Variants in ARHGAP42 observed in about 807,000 individuals in gnomAD.
The protein encoded by ARHGAP42 is rho GTPase-activating protein 42.
ARHGAP42 carries 63 observed loss-of-function variants against 125.0 expected under a neutral mutation model. That is an observed-to-expected ratio of 0.50 (90% CI 0.41 to 0.62). ARHGAP42 has a LOEUF of 0.62. Among genes scored for constraint, ARHGAP42 ranks in the 20% least tolerant of loss-of-function variants. The probability of loss-of-function intolerance (pLI) is 0.00; values close to 1 mark genes in which losing one functional copy is unlikely to be tolerated. For missense variants in ARHGAP42, 766 were observed against 1,024.2 expected (o/e 0.75, Z 3.44); for synonymous variants, 339 against 351.0 (o/e 0.97, Z 0.38).
intron 19 of ARHGAP42, among the ~76,000 whole-genome samples, chr11:100,975,435 T>C (rs1858364737): frequency 6.6e-6 from 1 of 152,218 alleles, no homozygotes; most frequent in African/African-American, 2.4e-5. Flanking sequence ...TGATTTTTCT[T>C]ATAACTTGCT....
chr11:100,989,208 A>G lies in ARHGAP42; in HGVS notation c.*407A>G. 2.5e-6 allele frequency: 1 copy of G among 398,046 alleles called. No individual in the cohort carries two copies. Among genetic ancestry groups the G allele is most frequent in the Admixed American group, 4.4e-5 (1 of 22,724 alleles). 24.7% of individuals were successfully genotyped at this position (398,046 alleles called of 1,614,324 possible). Reference sequence around the variant, plus strand: ...TTCTCTGAGGATCTCTGAAATTGTTACTTAAAAATGTAATTTAAATTGTTC... The same window carrying G: ...TTCTCTGAGGATCTCTGAAATTGTTGCTTAAAAATGTAATTTAAATTGTTC... On this transcript the variant is annotated 3_prime_UTR_variant, in exon 24 of 24. Coordinates refer to ENST00000298815, the MANE Select transcript of ARHGAP42 (RefSeq NM_152432.4).
chr11:100,752,730 T>G (rs1281454301), intron 1 of ARHGAP42, among the ~76,000 whole-genome samples: 1 of 152,190 alleles, frequency 6.6e-6, no homozygotes, highest in East Asian at 1.9e-4. Context: ...GTAGTCTTAG[T>G]TTGTTGGCTT....
intron 14 of ARHGAP42, among the ~76,000 whole-genome samples, chr11:100,961,463 A>G (rs1234402654): frequency 6.6e-6 from 1 of 152,200 alleles, no homozygotes; most frequent in Non-Finnish European, 1.5e-5. Context: ...ACAATTAGCA[A>G]TAATTTCATT....
chr11:100,987,390 C>A, intron 22 of ARHGAP42, 123 bp from the exon 23 acceptor site: 1 of 756,550 alleles, frequency 1.3e-6, no homozygotes, highest in Non-Finnish European at 2.2e-6. Flanking sequence ...CTCATATATG[C>A]ACTTTATGTA....
chr11:100,980,559 C>CTTTTTTTTTTTTTTTTTTTTTTTTTTTT lies in ARHGAP42; in HGVS notation c.2456+1513_2456+1540dup, dbSNP rs763302463. On this transcript the variant is annotated intron_variant, in intron 22 of 23. Coordinates refer to ENST00000298815, the MANE Select transcript of ARHGAP42 (RefSeq NM_152432.4). ...TCAAATCATACTTCTTTTTCTTCTT[C>CTTTTTTTTTTTTTTTTTTTTTTTTTTTT]TTTTTTTTTTTTTTTTTTTTTTTTT... Among the ~76,000 whole-genome samples, 18 of 51,954 alleles carry CTTTTTTTTTTTTTTTTTTTTTTTTTTTT rather than the reference C, an allele frequency of 3.5e-4. 1 individual carries two copies. The East Asian group carries it at 6.9e-3, about 20-fold the overall frequency. The allele number at this position is 51,954 out of a possible 152,430, so 34.1% of individuals were successfully genotyped here. A position where few individuals can be genotyped will look rare whatever the true frequency, so the allele number is the denominator to read the frequency against.
intron 3 of ARHGAP42, among the ~76,000 whole-genome samples, chr11:100,838,360 A>G (rs560396091): frequency 6.6e-6 from 1 of 152,236 alleles, no homozygotes; most frequent in South Asian, 2.1e-4. Flanking sequence ...ATGTATATAG[A>G]CATTCCTTTT....
At chr11:100,762,597 A>AT in intron 1 of ARHGAP42, among the ~76,000 whole-genome samples, 1 of 152,286 alleles carries the variant, frequency 6.6e-6, no homozygotes, top group Non-Finnish European at 1.5e-5. Context: ...GATGACTGCT[A>AT]TTTTTTAGGC....
chr11:100,792,980 T>C (rs1863604305), intron 2 of ARHGAP42, among the ~76,000 whole-genome samples: 1 of 152,114 alleles, frequency 6.6e-6, no homozygotes, highest in Non-Finnish European at 1.5e-5. Context: ...GGTCTCCATC[T>C]CCTGACCTCG....
chr11:100,853,462 G>T lies in ARHGAP42; in HGVS notation c.313-6092G>T, dbSNP rs1865252159. 2.0e-5 allele frequency among the ~76,000 whole-genome samples: 3 copies of T among 152,036 alleles called. No individual in the cohort carries two copies. The South Asian group carries it at 6.2e-4, about 32-fold the overall frequency. On this transcript the variant is annotated intron_variant, in intron 3 of 23. Transcript: ENST00000298815. ...CCCATTAGAGATTGCTGGGTAGAAA[G>T]GAATAAAACAAAAGTAGTTTCAGAA...
At chr11:100,810,945 T>C (rs2135058909) in intron 3 of ARHGAP42, among the ~76,000 whole-genome samples, 1 of 152,220 alleles carries the variant, frequency 6.6e-6, no homozygotes, top group South Asian at 2.1e-4. Context: ...ATTTTATTTA[T>C]TTATTTATTT....
chr11:100,931,723 GTTTTC>G (rs1194840720), intron 6 of ARHGAP42, among the ~76,000 whole-genome samples: 2 of 151,976 alleles, frequency 1.3e-5, no homozygotes, highest in Non-Finnish European at 2.9e-5. Context: ...TTTCAAAAAT[GTTTTC>G]TTTTCTCTCT....
intron 4 of ARHGAP42, among the ~76,000 whole-genome samples, chr11:100,882,780 T>C (rs1420952242): frequency 6.6e-6 from 1 of 152,158 alleles, no homozygotes; most frequent in Non-Finnish European, 1.5e-5. Context: ...GCTTGTTCTC[T>C]TCAGGGTATC....
intron 4 of ARHGAP42, among the ~76,000 whole-genome samples, chr11:100,901,354 G>C (rs1463801640): frequency 6.6e-6 from 1 of 152,210 alleles, no homozygotes; most frequent in African/African-American, 2.4e-5. Flanking sequence ...TCCCAATTAG[G>C]CTACATGGGG....
At position 100,980,569 on chromosome 11, in the gene ARHGAP42, T is replaced by C. The variant is rs1163234097; in HGVS notation, c.2456+1520T>C. Among the ~76,000 whole-genome samples the C allele has an allele frequency of 3.4e-3, 291 of 85,584 alleles. 17 individuals carry two copies. The South Asian group carries it at 0.044, about 13-fold the overall frequency. 56.1% of individuals were successfully genotyped at this position (85,584 alleles called of 152,430 possible). On this transcript the variant is annotated intron_variant, in intron 22 of 23. Transcript: ENST00000298815. The stretch of plus-strand genomic sequence containing the variant: ...CTTCTTTTTCTTCTTCTTTTTTTTT[T>C]TTTTTTTTTTTTTTTTTTTTGAGAA...
rs538687148 is a variant in ARHGAP42 at position 100,798,771 on chromosome 11, C to T, written c.312+3605C>T. Among the ~76,000 whole-genome samples the T allele has an allele frequency of 2.6e-5, 4 of 152,148 alleles. No homozygotes were observed. In the South Asian group the frequency reaches 8.3e-4, roughly 32 times the overall value. On this transcript the variant is annotated intron_variant, in intron 3 of 23. Transcript: ENST00000298815. ...AACCCACAATATCTCTGAGGTATGCCTGGTTGATATAATACTCAGGTGTGG... is the reference window on the plus strand; with the variant it reads ...AACCCACAATATCTCTGAGGTATGCTTGGTTGATATAATACTCAGGTGTGG...
intron 4 of ARHGAP42, among the ~76,000 whole-genome samples, chr11:100,909,004 A>G (rs1202986077): frequency 1.3e-5 from 2 of 151,962 alleles, no homozygotes; most frequent in Admixed American, 1.3e-4. Flanking sequence ...ATTTTTTTGT[A>G]TGTTTGTTAG....
At chr11:100,740,797 C>T (rs1304318301) in intron 1 of ARHGAP42, among the ~76,000 whole-genome samples, 1 of 152,050 alleles carries the variant, frequency 6.6e-6, no homozygotes, top group Non-Finnish European at 1.5e-5. Context: ...AAGTTTGGCA[C>T]AGGGTTGATG....
chr11:100,847,370 T>C (rs541129923), intron 3 of ARHGAP42, among the ~76,000 whole-genome samples: 1 of 152,300 alleles, frequency 6.6e-6, no homozygotes, highest in East Asian at 1.9e-4. Flanking sequence ...GCATCTGCCA[T>C]GCGCATGGTA....
At chr11:100,886,514 T>A (rs1866096557) in intron 4 of ARHGAP42, among the ~76,000 whole-genome samples, 1 of 152,238 alleles carries the variant, frequency 6.6e-6, no homozygotes, top group Non-Finnish European at 1.5e-5. Flanking sequence ...TCTCTTTGTT[T>A]GAAATTATCA....
Sources: allele counts gnomAD v4.1 joint callset (sites outside exome capture counted in the v4.1 genomes callset), GRCh38; gene constraint gnomAD v4.1.1; transcripts MANE v1.5; gene names NCBI Gene and HGNC (gene_info 2026-07-23, HGNC 2026-07-21).